TRPS1: variants seen among roughly 807,000 people sequenced by gnomAD.
TRPS1 encodes the protein zinc finger transcription factor Trps1.
In TRPS1, 6 loss-of-function variants were observed where a neutral mutation model predicts 101.2. The ratio of observed to expected loss-of-function variants is 0.06; its 90% CI spans 0.03 to 0.12. The LOEUF (loss-of-function observed/expected upper bound fraction) is 0.12, where lower values mean the gene tolerates loss of function less well. TRPS1 is among the 10% of genes least tolerant of loss of function. The pLI is 1.00. For missense variants in TRPS1, 1,363 were observed against 1,567.0 expected (o/e 0.87, Z 2.20); for synonymous variants, 578 against 589.8 (o/e 0.98, Z 0.29).
Position 115,527,937 on chromosome 8 carries a change from G to A in TRPS1, c.2700+59064C>T, listed in dbSNP as rs576092023. ...TAACACATTACCAGGAAATGAGGAC[G>A]ATTTTGTTTCCAGCCATCTTAGATT... On this transcript the variant is annotated intron_variant, in intron 5 of 6. Coordinates refer to ENST00000395715, the MANE Select transcript of TRPS1 (RefSeq NM_014112.5). 2.6e-5 allele frequency among the ~76,000 whole-genome samples: 4 copies of A among 152,146 alleles called. No individual in the cohort carries two copies. The East Asian group carries it at 7.7e-4, about 29-fold the overall frequency.
Position 115,413,176 on chromosome 8 carries a change from G to C in TRPS1, c.*847C>G, listed in dbSNP as rs1812828964. 1 of 152,074 alleles carries C rather than the reference G, an allele frequency of 6.6e-6. No homozygotes were observed. The highest frequency in any genetic ancestry group is 2.4e-5 in the African/African-American group (1 of 41,422). 9.4% of individuals were successfully genotyped at this position (152,074 alleles called of 1,614,324 possible). A position where few individuals can be genotyped will look rare whatever the true frequency, so the allele number is the denominator to read the frequency against. ...AGATTAGTAACCAACAGGAGGCTTAGAAAAGCAAATCCATACTGGTTCATC... is the reference window on the plus strand; with the variant it reads ...AGATTAGTAACCAACAGGAGGCTTACAAAAGCAAATCCATACTGGTTCATC... On this transcript the variant is annotated 3_prime_UTR_variant, in exon 7 of 7. Transcript: ENST00000395715.
At chr8:115,437,702 G>A (rs538270978) in intron 5 of TRPS1, among the ~76,000 whole-genome samples, 1 of 152,066 alleles carries the variant, frequency 6.6e-6, no homozygotes, top group African/African-American at 2.4e-5. Flanking sequence ...AATAGGATTG[G>A]GGGGGCAGGG....
intron 3 of TRPS1, among the ~76,000 whole-genome samples, chr8:115,614,971 G>A (rs1818245667): frequency 6.6e-6 from 1 of 151,922 alleles, no homozygotes; most frequent in Admixed American, 6.6e-5. Flanking sequence ...CAAATCCAAA[G>A]GATGACTTCC....
At chr8:115,561,872 C>G (rs1442641233) in intron 5 of TRPS1, among the ~76,000 whole-genome samples, 2 of 151,762 alleles carry the variant, frequency 1.3e-5, no homozygotes, top group Non-Finnish European at 2.9e-5. Context: ...AAAACAAAAA[C>G]CTAGGAATTA....
intron 5 of TRPS1, among the ~76,000 whole-genome samples, chr8:115,460,014 G>A (rs1814127486): frequency 6.6e-6 from 1 of 152,008 alleles, no homozygotes; most frequent in Non-Finnish European, 1.5e-5. Flanking sequence ...TCTTGTCAAG[G>A]ACAATATTAA....
At chr8:115,468,308 T>G (rs1163559900) in intron 5 of TRPS1, among the ~76,000 whole-genome samples, 2 of 152,202 alleles carry the variant, frequency 1.3e-5, no homozygotes, top group Non-Finnish European at 2.9e-5. Context: ...AAACGGGATA[T>G]TTGCTTAATC....
chr8:115,516,929 A>G (rs1815726446), intron 5 of TRPS1, among the ~76,000 whole-genome samples: 1 of 151,626 alleles, frequency 6.6e-6, no homozygotes. Context: ...TAGTAGAATT[A>G]AAAAAGTAAA....
At chr8:115,594,827 T>C (rs1181881516) in intron 4 of TRPS1, among the ~76,000 whole-genome samples, 1 of 151,944 alleles carries the variant, frequency 6.6e-6, no homozygotes, top group Admixed American at 6.6e-5. Context: ...ACTCCTTTAC[T>C]ATGCTCTGAT....
intron 1 of TRPS1, among the ~76,000 whole-genome samples, chr8:115,666,680 C>A (rs771334778): frequency 6.6e-6 from 1 of 152,166 alleles, no homozygotes; most frequent in Non-Finnish European, 1.5e-5. Context: ...ATGATGCCAG[C>A]AAGATCCATA....
At chr8:115,470,756 C>G (rs1301002514) in intron 5 of TRPS1, among the ~76,000 whole-genome samples, 2 of 152,076 alleles carry the variant, frequency 1.3e-5, no homozygotes, top group Non-Finnish European at 2.9e-5. Context: ...TAGAAACTAA[C>G]ATATCAATGA....
chr8:115,503,739 T>G (rs1815374675), intron 5 of TRPS1, among the ~76,000 whole-genome samples: 1 of 152,212 alleles, frequency 6.6e-6, no homozygotes, highest in African/African-American at 2.4e-5. Context: ...CAAACCAGTA[T>G]GCAATACACA....
intron 3 of TRPS1, among the ~76,000 whole-genome samples, chr8:115,615,208 T>A (rs1348324308): frequency 2.0e-5 from 3 of 152,148 alleles, no homozygotes; most frequent in Non-Finnish European, 4.4e-5. Context: ...AATGCAGTAA[T>A]AAAAAGAATT....
At chr8:115,493,072 C>G (rs1815067394) in intron 5 of TRPS1, among the ~76,000 whole-genome samples, 1 of 152,028 alleles carries the variant, frequency 6.6e-6, no homozygotes, top group African/African-American at 2.4e-5. Context: ...AAAGACTGGT[C>G]AAGTCTGTAA....
chr8:115,525,694 T>C (rs968063404), intron 5 of TRPS1, among the ~76,000 whole-genome samples: 18 of 152,200 alleles, frequency 1.2e-4, no homozygotes, highest in Admixed American at 1.2e-3. Context: ...GCAACACTTA[T>C]TCTTTTTATA....
At chr8:115,652,903 G>A (rs1033831773) in intron 1 of TRPS1, among the ~76,000 whole-genome samples, 2 of 152,132 alleles carry the variant, frequency 1.3e-5, no homozygotes, top group African/African-American at 4.8e-5. Context: ...GTGATTCAGG[G>A]GAATTAAAAT....
intron 5 of TRPS1, among the ~76,000 whole-genome samples, chr8:115,487,404 G>C (rs1055306253): frequency 6.6e-6 from 1 of 151,906 alleles, no homozygotes; most frequent in Admixed American, 6.6e-5. Context: ...TGGACCCCAG[G>C]AGTAATTAGG....
intron 5 of TRPS1, among the ~76,000 whole-genome samples, chr8:115,452,721 G>T (rs1179265498): frequency 6.6e-6 from 1 of 152,132 alleles, no homozygotes; most frequent in African/African-American, 2.4e-5. Flanking sequence ...AAATTAGGCA[G>T]TCACCTGACA....
chr8:115,427,702 A>C (rs1813220397), intron 5 of TRPS1, among the ~76,000 whole-genome samples: 1 of 152,036 alleles, frequency 6.6e-6, no homozygotes, highest in Non-Finnish European at 1.5e-5. Context: ...AAACCACCCA[A>C]TAACAGCTGA....
intron 5 of TRPS1, among the ~76,000 whole-genome samples, chr8:115,441,866 TGAGAGAGA>T (rs56875076): frequency 6.2e-4 from 86 of 139,592 alleles, no homozygotes; most frequent in African/African-American, 1.8e-3. Context: ...CAATTGAGAG[TGAGAGAGA>T]GAGAGAGAGA....
Sources: allele counts gnomAD v4.1 joint callset (sites outside exome capture counted in the v4.1 genomes callset), GRCh38; gene constraint gnomAD v4.1.1; transcripts MANE v1.5; gene names NCBI Gene and HGNC (gene_info 2026-07-23, HGNC 2026-07-21).